Variants in WWOX observed in about 807,000 individuals in gnomAD.
WWOX encodes the protein WW domain-containing oxidoreductase.
A neutral mutation model predicts 46.2 loss-of-function variants in WWOX; 69 were observed. The ratio of observed to expected loss-of-function variants is 1.49; its 90% CI spans 1.23 to 1.82. The LOEUF is 1.82. Ranked by LOEUF, WWOX falls within the 40% of genes most tolerant of loss-of-function variation. The pLI is 0.00. For synonymous variants in WWOX, 359 were observed against 202.6 expected (o/e 1.77, Z -6.56); for missense variants, 919 against 542.6 (o/e 1.69, Z -6.89).
At chr16:78,496,137 C>T (rs2084913352) in intron 8 of WWOX, 1 of 152,126 alleles carries the variant, frequency 6.6e-6, no homozygotes. Context: ...CCCCATACAC[C>T]ACCTTGTTTT....
At chr16:78,723,213 A>T (rs1450197963) in intron 8 of WWOX, among the ~76,000 whole-genome samples, 1 of 152,168 alleles carries the variant, frequency 6.6e-6, no homozygotes, top group African/African-American at 2.4e-5. Context: ...GCTACAGAAT[A>T]CTTATTTTCT....
intron 8 of WWOX, among the ~76,000 whole-genome samples, chr16:78,734,060 G>GAA (rs552846537): frequency 4.2e-5 from 6 of 144,136 alleles, no homozygotes; most frequent in Admixed American, 1.4e-4. Flanking sequence ...ATCCTGTCTG[G>GAA]AAAAAAAAAA....
intron 8 of WWOX, 72 bp from the exon 9 acceptor site, chr16:79,211,536 G>A (rs1430684690): frequency 4.4e-6 from 7 of 1,599,460 alleles, no homozygotes; most frequent in Non-Finnish European, 6.0e-6. Flanking sequence ...TAATGCCCAG[G>A]CAGTCGAAAT....
rs2142730923 is a variant in WWOX at position 78,817,175 on chromosome 16, T to TTC, written c.1056+384424_1056+384425insCT. The stretch of plus-strand genomic sequence containing the variant: ...TTTCTTAAACATTAGTGCTATTCTT[T>TTC]TTTTTTTTTTTTTTTTTTTTTTTTC... On this transcript the variant is annotated intron_variant, in intron 8 of 8. Transcript: ENST00000566780. Among the ~76,000 whole-genome samples the TTC allele has an allele frequency of 3.2e-5, 4 of 124,650 alleles. No individual in the cohort carries two copies. The South Asian group carries it at 1.1e-3, about 35-fold the overall frequency. 81.8% of individuals were successfully genotyped at this position (124,650 alleles called of 152,430 possible).
intron 8 of WWOX, chr16:78,996,224 A>G: frequency 5.1e-6 from 5 of 985,240 alleles, no homozygotes; most frequent in Non-Finnish European, 6.0e-6. Context: ...ACTTGTGGAT[A>G]GAAGAAGTAA....
chr16:78,524,682 G>A (rs570659408), intron 8 of WWOX, among the ~76,000 whole-genome samples: 134 of 151,930 alleles, frequency 8.8e-4, no homozygotes, highest in African/African-American at 3.2e-3. Flanking sequence ...GCCTCCCAAA[G>A]TACTTGGATT....
chr16:78,508,525 G>A (rs999598761), intron 8 of WWOX, among the ~76,000 whole-genome samples: 13 of 152,062 alleles, frequency 8.5e-5, no homozygotes, highest in African/African-American at 2.9e-4. Context: ...CCTTGATGTC[G>A]GAGTGTTCTC....
At chr16:78,325,150 C>T (rs59679173) in intron 5 of WWOX, among the ~76,000 whole-genome samples, 8,949 of 152,218 alleles carry the variant, frequency 0.059, 885 homozygotes, top group African/African-American at 0.2. Flanking sequence ...CTAGAAGGCA[C>T]TGCTCAGAGG....
chr16:78,134,079 T>C lies in WWOX; in HGVS notation c.409+18925T>C, dbSNP rs576983872. Among the ~76,000 whole-genome samples, 22 of 152,338 alleles carry C rather than the reference T, an allele frequency of 1.4e-4. No individual in the cohort carries two copies. The South Asian group carries it at 4.6e-3, about 32-fold the overall frequency. On this transcript the variant is annotated intron_variant, in intron 4 of 8. Coordinates refer to ENST00000566780, the MANE Select transcript of WWOX (RefSeq NM_016373.4). ...GCTCTATGTGTCTGTGTTTCTCATG[T>C]TGGTTAGGAGAACTAACCCTTGTGA...
chr16:79,193,517 C>T (rs1423702307), intron 8 of WWOX, among the ~76,000 whole-genome samples: 1 of 152,178 alleles, frequency 6.6e-6, no homozygotes, highest in Non-Finnish European at 1.5e-5. Context: ...TTCAGGGAGA[C>T]CTCAGAGTAT....
intron 8 of WWOX, among the ~76,000 whole-genome samples, chr16:78,463,936 G>C (rs1332078427): frequency 6.6e-6 from 1 of 152,158 alleles, no homozygotes; most frequent in Non-Finnish European, 1.5e-5. Context: ...ACTGCTGGTG[G>C]AGCTGCCTTT....
intron 8 of WWOX, among the ~76,000 whole-genome samples, chr16:78,711,242 G>T (rs540355837): frequency 2.0e-5 from 3 of 152,176 alleles, no homozygotes; most frequent in African/African-American, 7.2e-5. Flanking sequence ...TGTTTGAAAT[G>T]TTCAAAGTGA....
At position 78,792,173 on chromosome 16, in the gene WWOX, C is replaced by T. The variant is rs75297518; in HGVS notation, c.1056+359421C>T. ...TCAGTGGCCCGCAGCAATAAACATT[C>T]GATTCTCGCCATCTCTGGGTTTGAG... On this transcript the variant is annotated intron_variant, in intron 8 of 8. Transcript: ENST00000566780. 3.2e-3 allele frequency among the ~76,000 whole-genome samples: 480 copies of T among 152,188 alleles called. 9 individuals carry two copies. Among genetic ancestry groups the T allele is most frequent in the East Asian group, 0.031 (160 of 5,150 alleles).
intron 8 of WWOX, among the ~76,000 whole-genome samples, chr16:78,984,650 G>C (rs2046749321): frequency 6.6e-6 from 1 of 152,184 alleles, no homozygotes; most frequent in African/African-American, 2.4e-5. Flanking sequence ...TGGTTGATTG[G>C]AACAACATAC....
intron 8 of WWOX, among the ~76,000 whole-genome samples, chr16:78,620,511 C>G (rs944182354): frequency 3.9e-5 from 6 of 152,068 alleles, no homozygotes; most frequent in Non-Finnish European, 7.4e-5. Context: ...GGTCATGTAC[C>G]CTCTCCAGAC....
intron 5 of WWOX, among the ~76,000 whole-genome samples, chr16:78,386,440 A>T (rs1490934246): frequency 6.6e-6 from 1 of 152,162 alleles, no homozygotes; most frequent in Non-Finnish European, 1.5e-5. Flanking sequence ...TTTAATGGAG[A>T]TATTTCAGAA....
chr16:78,897,947 C>T (rs1362021389), intron 8 of WWOX: 2 of 151,776 alleles, frequency 1.3e-5, no homozygotes, highest in Middle Eastern at 3.4e-3. Flanking sequence ...ACTCATTGGC[C>T]GTTCATATAT....
chr16:79,136,437 G>T (rs1281545475), intron 8 of WWOX, among the ~76,000 whole-genome samples: 1 of 151,996 alleles, frequency 6.6e-6, no homozygotes, highest in African/African-American at 2.4e-5. Flanking sequence ...TACCATGTTG[G>T]CCAGGATGGT....
chr16:78,729,111 G>C (rs2048903585), intron 8 of WWOX, among the ~76,000 whole-genome samples: 2 of 152,102 alleles, frequency 1.3e-5, no homozygotes, highest in African/African-American at 2.4e-5. Context: ...GGGAGGCTGA[G>C]GCAGGCGGAT....
Sources: gnomAD v4.1 joint callset for allele counts (sites outside exome capture counted in the v4.1 genomes callset) on GRCh38, gnomAD v4.1.1 for gene constraint, MANE v1.5 for transcripts, NCBI Gene and HGNC (gene_info 2026-07-23, HGNC 2026-07-21) for gene names.